FAM228B: variants seen among roughly 807,000 people sequenced by gnomAD.
FAM228B encodes the protein family with sequence similarity 228 member B.
In FAM228B, 38 loss-of-function variants were observed where a neutral mutation model predicts 42.6. That is an observed-to-expected ratio of 0.89 (90% CI 0.69 to 1.17). The LOEUF (loss-of-function observed/expected upper bound fraction) is 1.17, where lower values mean the gene tolerates loss of function less well. Ranked by LOEUF, FAM228B falls within the 50% of genes most tolerant of loss-of-function variation. The pLI is 0.00. For missense variants in FAM228B, 344 were observed against 367.3 expected, an observed-to-expected ratio of 0.94 and a Z score of 0.52; for synonymous variants, 109 against 122.3, an observed-to-expected ratio of 0.89 and a Z score of 0.72.
intron 1 of FAM228B, among the ~76,000 whole-genome samples, chr2:24,079,946 G>T (rs933498079): frequency 6.6e-6 from 1 of 152,206 alleles, no homozygotes; most frequent in Non-Finnish European, 1.5e-5. Flanking sequence ...ATTGAGAACA[G>T]AATACAGGAG....
intron 9 of FAM228B, chr2:24,166,053 AAATAT>A (rs1481060054): frequency 3.8e-5 from 4 of 104,752 alleles, no homozygotes; most frequent in Admixed American, 2.1e-4. Context: ...AAAAAAAAAA[AAATAT>A]ATATATATAT....
In FAM228B at chr2:24,085,460, T is replaced by G. The variant is rs560202960; in HGVS notation, c.-210+4505T>G. Among the ~76,000 whole-genome samples the G allele has an allele frequency of 2.5e-3, 385 of 152,088 alleles. 1 individual carries two copies. Among genetic ancestry groups the G allele is most frequent in the Admixed American group, 3.9e-3 (60 of 15,260 alleles). Reference sequence around the variant, plus strand: ...AGGATGTTTAGCAGCATCCCTGGCCTCCCCCCACTACATATCCGTAGCACT... The same window carrying G: ...AGGATGTTTAGCAGCATCCCTGGCCGCCCCCCACTACATATCCGTAGCACT... On this transcript the variant is annotated intron_variant, in intron 2 of 10. Transcript: ENST00000613899.
chr2:24,113,116 T>G (rs1374827543), intron 3 of FAM228B, among the ~76,000 whole-genome samples: 1 of 152,192 alleles, frequency 6.6e-6, no homozygotes, highest in Non-Finnish European at 1.5e-5. Context: ...TTGGGGTAGA[T>G]GTATTATTTA....
chr2:24,167,629 C>G lies in FAM228B; in HGVS notation c.935C>G (p.Ser312Cys). ...SQEREEDQDG[S>C]PSPRLGLLKL... ...CAAAGCTTCAATCTTCATTTAAGGT[C>G]TCCCTCCCCGCGTTTGGGGCTGCTG... The change falls in exon 10 of 11, where the codon TCT (serine) becomes TGT (cysteine). Residue 312 changes from serine to cysteine, a missense_variant and splice_region_variant. Ser to Cys is a moderately radical substitution (Grantham distance 112). Coordinates refer to ENST00000615575, the MANE Select transcript of FAM228B (RefSeq NM_001145710.2). 6.4e-7 allele frequency: 1 copy of G among 1,551,578 alleles called. No homozygotes were observed. The highest frequency in any genetic ancestry group is 2.0e-5 in the Admixed American group (1 of 50,994).
At chr2:24,093,927 T>C (rs1370873998) in intron 2 of FAM228B, among the ~76,000 whole-genome samples, 1 of 152,024 alleles carries the variant, frequency 6.6e-6, no homozygotes, top group Non-Finnish European at 1.5e-5. Flanking sequence ...GCATGTGTCT[T>C]TGTAGTGGAA....
chr2:24,120,737 T>C (rs1020600942), upstream of FAM228B, among the ~76,000 whole-genome samples: 2 of 152,150 alleles, frequency 1.3e-5, no homozygotes, highest in African/African-American at 4.8e-5. Context: ...GTATTTTTAG[T>C]AGAAACAGGG....
chr2:24,142,717 A>G (rs1308950881), intron 5 of FAM228B: 1 of 152,216 alleles, frequency 6.6e-6, no homozygotes, highest in Non-Finnish European at 1.5e-5. Flanking sequence ...GAGAAAAACT[A>G]CTGACAATAT....
intron 2 of FAM228B, chr2:24,081,109 A>C: frequency 2.3e-5 from 25 of 1,090,568 alleles, no homozygotes; most frequent in Non-Finnish European, 2.7e-5. Context: ...TATCAAGATC[A>C]CCTGGCCGTT....
intron 7 of FAM228B, among the ~76,000 whole-genome samples, chr2:24,150,797 G>T (rs1404998244): frequency 6.6e-6 from 1 of 152,154 alleles, no homozygotes; most frequent in Non-Finnish European, 1.5e-5. Context: ...TCTGCTGCCA[G>T]ATGTGGTGGA....
At chr2:24,149,855 G>A (rs1180954140) in intron 7 of FAM228B, among the ~76,000 whole-genome samples, 1 of 152,102 alleles carries the variant, frequency 6.6e-6, no homozygotes, top group East Asian at 1.9e-4. Flanking sequence ...TTTATTTTTT[G>A]TAAATCTGTT....
intron 2 of FAM228B, among the ~76,000 whole-genome samples, chr2:24,092,593 GA>G (rs1665414426): frequency 6.6e-6 from 1 of 151,894 alleles, no homozygotes. Context: ...AAGAAAGAAA[GA>G]AAATAAATCA....
intron 2 of FAM228B, among the ~76,000 whole-genome samples, chr2:24,081,254 G>A (rs796794615): frequency 3.3e-5 from 5 of 152,210 alleles, no homozygotes; most frequent in African/African-American, 9.6e-5. Flanking sequence ...GCATATTGAC[G>A]ACCTTTTCTG....
At chr2:24,126,438 C>T (rs1270394466) in intron 2 of FAM228B, among the ~76,000 whole-genome samples, 2 of 152,124 alleles carry the variant, frequency 1.3e-5, no homozygotes, top group East Asian at 3.8e-4. Context: ...TCCTTAATGA[C>T]TGATTATGAG....
Position 24,099,022 on chromosome 2 carries a change from T to A in FAM228B, c.-121+3793T>A, listed in dbSNP as rs990642398. 2.0e-5 allele frequency among the ~76,000 whole-genome samples: 3 copies of A among 152,084 alleles called. No individual in the cohort carries two copies. In the East Asian group the frequency reaches 5.8e-4, roughly 29 times the overall value. The stretch of plus-strand genomic sequence containing the variant: ...TAATTCATCACATAAAGAGAACCAA[T>A]GACAAAAACCACATGATTATCTCAA... On this transcript the variant is annotated intron_variant, in intron 3 of 10. Transcript: ENST00000613899.
At chr2:24,099,572 G>C (rs1341647232) in intron 3 of FAM228B, among the ~76,000 whole-genome samples, 1 of 152,078 alleles carries the variant, frequency 6.6e-6, no homozygotes, top group Non-Finnish European at 1.5e-5. Context: ...GGATGTGAAG[G>C]ACCTCTTCAA....
intron 9 of FAM228B, among the ~76,000 whole-genome samples, chr2:24,167,169 G>C (rs1265721362): frequency 6.6e-6 from 1 of 152,228 alleles, no homozygotes; most frequent in Non-Finnish European, 1.5e-5. Context: ...CGTCAAGGCA[G>C]TTGAGGGTTC....
chr2:24,138,003 T>C lies in FAM228B; in HGVS notation c.263T>C (p.Leu88Pro). ...KRWVDCVADPLQKKIIEKVCS... is the reference protein window; with the variant it reads ...KRWVDCVADPPQKKIIEKVCS... ...TGGGTTGACTGTGTGGCAGATCCTC[T>C]TCAGAAGAAAATTATAGAAAAAGTT... The change falls in exon 4 of 11, where the codon CTT becomes CCT. Residue 88 changes from leucine to proline, a missense_variant. Transcript: ENST00000615575. The C allele has an allele frequency of 6.5e-7, 1 of 1,548,152 alleles. No individual in the cohort carries two copies. The highest frequency in any genetic ancestry group is 8.7e-7 in the Non-Finnish European group (1 of 1,146,092).
intron 2 of FAM228B, among the ~76,000 whole-genome samples, chr2:24,088,680 CGTAA>C (rs1485683891): frequency 3.3e-5 from 5 of 152,194 alleles, no homozygotes; most frequent in African/African-American, 1.2e-4. Flanking sequence ...AACTAGTAAA[CGTAA>C]GTGTTTCCCT....
chr2:24,128,583 G>A (rs1191462595), intron 2 of FAM228B, among the ~76,000 whole-genome samples: 1 of 151,822 alleles, frequency 6.6e-6, no homozygotes, highest in Non-Finnish European at 1.5e-5. Context: ...TGTATACCTG[G>A]TGATTATTGG....
Sources: gnomAD v4.1 joint callset for allele counts (sites outside exome capture counted in the v4.1 genomes callset) on GRCh38, gnomAD v4.1.1 for gene constraint, MANE v1.5 for transcripts, NCBI Gene and HGNC (gene_info 2026-07-23, HGNC 2026-07-21) for gene names.